The following ACTR3 variants were observed in gnomAD, a reference collection of about 807,000 sequenced individuals.
ACTR3 encodes the protein actin related protein 3.
Under a neutral mutation model 56.8 loss-of-function variants are expected in ACTR3, and 12 were observed. The observed-to-expected ratio is 0.21, with a 90% CI of 0.14 to 0.34. ACTR3 has a LOEUF of 0.34. Among genes scored for constraint, ACTR3 ranks in the 10% least tolerant of loss-of-function variants. The probability of loss-of-function intolerance (pLI) is 1.00; values close to 1 mark genes in which losing one functional copy is unlikely to be tolerated. For synonymous variants in ACTR3, 162 were observed against 167.4 expected (o/e 0.97, Z 0.25); for missense variants, 282 against 512.5 (o/e 0.55, Z 4.34).
chr2:113,940,048 C>A lies in ACTR3; in HGVS notation c.630C>A (p.Asp210Glu), dbSNP rs1417297294. Residue 210 changes from aspartate (D) to glutamate (E), a missense_variant, in exon 7 of 12, where the codon GAC (aspartate) becomes GAA (glutamate). Transcript: ENST00000263238. ...ITYFIQQLLR[D>E]REVGIPPEQS... Reference sequence around the variant, plus strand: ...ATTTTATTCAGCAACTGCTGAGAGACCGAGAAGTAGGAATCCCTCCAGAAC... The same window carrying A: ...ATTTTATTCAGCAACTGCTGAGAGAACGAGAAGTAGGAATCCCTCCAGAAC... The A allele has an allele frequency of 6.2e-7, 1 of 1,613,120 alleles. No individual in the cohort carries two copies. The highest frequency in any genetic ancestry group is 1.3e-5 in the African/African-American group (1 of 74,948).
At chr2:113,916,453 A>T (rs1320836020) in intron 2 of ACTR3, among the ~76,000 whole-genome samples, 4 of 152,194 alleles carry the variant, frequency 2.6e-5, no homozygotes, top group African/African-American at 9.6e-5. Context: ...TACTAGACCC[A>T]GTAGTGATAG....
intron 1 of ACTR3, among the ~76,000 whole-genome samples, chr2:113,907,539 C>T (rs1014751121): frequency 5.9e-5 from 9 of 152,114 alleles, no homozygotes; most frequent in African/African-American, 1.9e-4. Context: ...AGGCGTGAGC[C>T]GTCACACCCA....
intron 1 of ACTR3, among the ~76,000 whole-genome samples, chr2:113,898,561 T>C (rs1679048061): frequency 1.3e-5 from 2 of 152,212 alleles, no homozygotes; most frequent in Non-Finnish European, 2.9e-5. Context: ...AATTCTTCAG[T>C]GTTTCGTTGT....
Position 113,890,269 on chromosome 2 carries a change from C to T in ACTR3, c.-11C>T. 7.1e-7 allele frequency: 1 copy of T among 1,413,862 alleles called. No homozygotes were observed. The highest frequency in any genetic ancestry group is 9.4e-7 in the Non-Finnish European group (1 of 1,061,530). The allele number at this position is 1,413,862 out of a possible 1,614,324, so 87.6% of individuals were successfully genotyped here. A position where few individuals can be genotyped will look rare whatever the true frequency, so the allele number is the denominator to read the frequency against. On this transcript the variant is annotated 5_prime_UTR_variant, in exon 1 of 12. Coordinates refer to ENST00000263238, the MANE Select transcript of ACTR3 (RefSeq NM_005721.5). ...AGACGGCGGCAGCAGCAGCAGCAGG[C>T]GAGGAGGAAGATGGCGGGACGGCTG...
At chr2:113,932,110 A>G (rs1219613682) in intron 5 of ACTR3, among the ~76,000 whole-genome samples, 1 of 152,214 alleles carries the variant, frequency 6.6e-6, no homozygotes, top group Non-Finnish European at 1.5e-5. Context: ...TTGGGATCAC[A>G]CTGGTTTTTG....
chr2:113,892,605 A>T (rs1019363638), intron 1 of ACTR3, among the ~76,000 whole-genome samples: 1 of 152,214 alleles, frequency 6.6e-6, no homozygotes, highest in Non-Finnish European at 1.5e-5. Context: ...TGAGATAAAC[A>T]TCTCTAAGTA....
intron 8 of ACTR3, among the ~76,000 whole-genome samples, chr2:113,943,418 C>G (rs1298766656): frequency 2.0e-5 from 3 of 152,236 alleles, no homozygotes; most frequent in Admixed American, 6.5e-5. Flanking sequence ...ATATGTTATG[C>G]AAGGGAGTTA....
intron 2 of ACTR3, among the ~76,000 whole-genome samples, chr2:113,916,381 C>T (rs1380148834): frequency 2.0e-5 from 3 of 152,096 alleles, no homozygotes. Context: ...TTTAACAGAT[C>T]TGTATTACAT....
At chr2:113,901,902 T>G (rs1559457645) in intron 1 of ACTR3, among the ~76,000 whole-genome samples, 1 of 152,208 alleles carries the variant, frequency 6.6e-6, no homozygotes, top group Admixed American at 6.5e-5. Context: ...ATTTGCAATT[T>G]GTAAAATTAA....
chr2:113,917,524 CAG>C (rs1343261346), intron 3 of ACTR3, among the ~76,000 whole-genome samples: 1 of 151,982 alleles, frequency 6.6e-6, no homozygotes, highest in African/African-American at 2.4e-5. Flanking sequence ...GGTAAAGAAA[CAG>C]AACAAATCTA....
At chr2:113,927,484 G>A (rs1254826494) in intron 4 of ACTR3, 29 bp downstream of exon 4, 3 of 1,428,898 alleles carry the variant, frequency 2.1e-6, no homozygotes, top group Non-Finnish European at 2.9e-6. Context: ...TTTCACTGAG[G>A]AAATTTTTGA....
chr2:113,941,365 T>C (rs1257908699), intron 7 of ACTR3, among the ~76,000 whole-genome samples: 1 of 152,232 alleles, frequency 6.6e-6, no homozygotes, highest in Non-Finnish European at 1.5e-5. Flanking sequence ...TCTGAATGTC[T>C]TTAAAGGAAT....
intron 4 of ACTR3, 108 bp downstream of exon 4, chr2:113,927,563 T>A: frequency 3.0e-6 from 2 of 669,864 alleles, no homozygotes; most frequent in Non-Finnish European, 5.0e-6. Context: ...GTCATATGTC[T>A]AAATGACTTT....
chr2:113,937,145 C>T (rs950589576), intron 6 of ACTR3, among the ~76,000 whole-genome samples: 2 of 152,040 alleles, frequency 1.3e-5, no homozygotes, highest in Admixed American at 6.5e-5. Context: ...GCTCTGTCGC[C>T]GAGGCTGGAG....
At chr2:113,953,891 C>G (rs1489239623) in intron 10 of ACTR3, 1 of 152,236 alleles carries the variant, frequency 6.6e-6, no homozygotes, top group Non-Finnish European at 1.5e-5. Flanking sequence ...AAAATACCTT[C>G]TTCCCCCTTA....
At chr2:113,947,669 A>G (rs6726327) in intron 8 of ACTR3, among the ~76,000 whole-genome samples, 45,260 of 152,042 alleles carry the variant, frequency 0.3, 11,084 homozygotes, top group African/African-American at 0.67. Context: ...TAAATAACCC[A>G]AAGCTTTAGA....
intron 7 of ACTR3, among the ~76,000 whole-genome samples, chr2:113,941,743 G>A (rs764646903): frequency 1.4e-4 from 22 of 151,998 alleles, no homozygotes; most frequent in African/African-American, 5.1e-4. Context: ...TACTCAGACC[G>A]TAATCAGTTT....
At chr2:113,892,324 T>G (rs1382809211) in intron 1 of ACTR3, among the ~76,000 whole-genome samples, 1 of 152,338 alleles carries the variant, frequency 6.6e-6, no homozygotes, top group Non-Finnish European at 1.5e-5. Context: ...ATTATCACAA[T>G]AGTGTATTTT....
At chr2:113,942,123 C>A in intron 7 of ACTR3, 63 bp from the exon 8 acceptor site, 3 of 1,262,820 alleles carry the variant, frequency 2.4e-6, no homozygotes, top group Non-Finnish European at 3.2e-6. Flanking sequence ...TGAAAACATG[C>A]CATTCTTCTT....
Sources: allele counts gnomAD v4.1 joint callset (sites outside exome capture counted in the v4.1 genomes callset), GRCh38; gene constraint gnomAD v4.1.1; transcripts MANE v1.5; gene names NCBI Gene and HGNC (gene_info 2026-07-23, HGNC 2026-07-21).